Variants in PCDHA2 observed in about 807,000 individuals in gnomAD.
PCDHA2 encodes the protein protocadherin alpha 2, also known as protocadherin alpha-2.
A neutral mutation model predicts 66.0 loss-of-function variants in PCDHA2; 58 were observed. The ratio of observed to expected loss-of-function variants is 0.88; its 90% CI spans 0.71 to 1.09. PCDHA2 has a LOEUF of 1.09. Ranked by LOEUF, PCDHA2 falls within the 50% of genes least tolerant of loss-of-function variation. The pLI is 0.00. For missense variants in PCDHA2, 1,267 were observed against 1,242.3 expected, an observed-to-expected ratio of 1.02 and a Z score of -0.30; for synonymous variants, 634 against 554.0, an observed-to-expected ratio of 1.14 and a Z score of -2.03.
In PCDHA2 at chr5:140,842,865, G is replaced by C; in HGVS notation, c.2388+45513G>C. ...TACATTTCGGTGCACACGGAGAGCG[G>C]CAAGGTGTACGCGCTGCAGCCGCTG... is the stretch of plus-strand genomic sequence containing the variant. On this transcript the variant is annotated intron_variant, in intron 1 of 3. Transcript: ENST00000526136. 6.3e-6 allele frequency: 10 copies of C among 1,593,986 alleles called. 1 individual carries two copies. Among genetic ancestry groups the C allele is most frequent in the Middle Eastern group, 2.1e-4 (1 of 4,754 alleles).
At chr5:140,830,998 TA>T (rs1184514649) in intron 1 of PCDHA2, 3 of 152,294 alleles carry the variant, frequency 2.0e-5, no homozygotes, top group Admixed American at 6.5e-5. Flanking sequence ...TCATAGTTTT[TA>T]TCTGTGGTTC....
intron 1 of PCDHA2, chr5:140,821,694 T>C: frequency 7.1e-7 from 1 of 1,400,444 alleles, no homozygotes; most frequent in Non-Finnish European, 9.7e-7. Flanking sequence ...ATATAAAAAA[T>C]ATATAGTTAA....
Position 140,875,636 on chromosome 5 carries a change from A to T in PCDHA2, c.2388+78284A>T, listed in dbSNP as rs574545388. On this transcript the variant is annotated intron_variant, in intron 1 of 3. Coordinates refer to ENST00000526136, the MANE Select transcript of PCDHA2 (RefSeq NM_018905.3). The stretch of plus-strand genomic sequence containing the variant: ...CGCATCGCTCAGGACCTGGGGCTGG[A>T]GCTGGCGGAGCTGGTGCCGCGCCTG... 6 of 1,613,488 alleles carry T rather than the reference A, an allele frequency of 3.7e-6. No individual in the cohort carries two copies. The Admixed American group carries it at 8.3e-5, about 22-fold the overall frequency.
At position 140,807,960 on chromosome 5, in the gene PCDHA2, G is replaced by A. The variant is rs782007660; in HGVS notation, c.2388+10608G>A. 5 of 1,614,086 alleles carry A rather than the reference G, an allele frequency of 3.1e-6. No homozygotes were observed. In the South Asian group the frequency reaches 4.4e-5, roughly 14 times the overall value. ...AGATTACTAGAAAATGTTCCTAATGGAACATTGGTAATTAAACTTAACGCC... is the reference window on the plus strand; with the variant it reads ...AGATTACTAGAAAATGTTCCTAATGAAACATTGGTAATTAAACTTAACGCC... On this transcript the variant is annotated intron_variant, in intron 1 of 3. Coordinates refer to ENST00000526136, the MANE Select transcript of PCDHA2 (RefSeq NM_018905.3).
intron 1 of PCDHA2, chr5:140,841,306 G>A (rs2150313155): frequency 3.8e-6 from 6 of 1,579,894 alleles, no homozygotes; most frequent in South Asian, 3.5e-5. Context: ...TTTCTGATAG[G>A]AAACGACTAT....
At chr5:140,893,327 GT>G (rs2063928643) in intron 1 of PCDHA2, among the ~76,000 whole-genome samples, 1 of 152,164 alleles carries the variant, frequency 6.6e-6, no homozygotes, top group Non-Finnish European at 1.5e-5. Flanking sequence ...CTCCCATACT[GT>G]TTTCCTTAGT....
chr5:140,928,106 G>GGGA lies in PCDHA2; in HGVS notation c.2389-50841_2389-50839dup, dbSNP rs2084940814. The stretch of plus-strand genomic sequence containing the variant: ...CTGCTGATTGATGGGCCCCTGGACC[G>GGGA]GGAGCAGATCAGTGAATACCAAGTC... On this transcript the variant is annotated intron_variant, in intron 1 of 3. Coordinates refer to ENST00000526136, the MANE Select transcript of PCDHA2 (RefSeq NM_018905.3). The GGGA allele has an allele frequency of 1.9e-6, 3 of 1,614,032 alleles. No individual in the cohort carries two copies. In the South Asian group the frequency reaches 3.3e-5, roughly 18 times the overall value.
At chr5:140,941,331 T>G (rs1277354289) in intron 1 of PCDHA2, among the ~76,000 whole-genome samples, 1 of 148,120 alleles carries the variant, frequency 6.8e-6, no homozygotes. Context: ...TTTTTTTTTT[T>G]TTTCAGATGG....
chr5:140,869,757 A>G, intron 1 of PCDHA2: 3 of 1,613,264 alleles, frequency 1.9e-6, no homozygotes, highest in Non-Finnish European at 2.5e-6. Flanking sequence ...CAGACGGGGG[A>G]AAACCAGAGC....
intron 1 of PCDHA2, chr5:140,828,078 C>T (rs1554130999): frequency 5.7e-6 from 9 of 1,577,554 alleles, no homozygotes; most frequent in South Asian, 4.7e-5. Flanking sequence ...GAAATAAAAC[C>T]AGAGGTATTT....
intron 1 of PCDHA2, chr5:140,821,754 T>G (rs1461015460): frequency 1.3e-6 from 2 of 1,582,528 alleles, no homozygotes; most frequent in Non-Finnish European, 1.7e-6. Flanking sequence ...AATAGAAAGC[T>G]CATAATTGGA....
At chr5:140,978,800 TATC>T (rs1193658453) in intron 1 of PCDHA2, 146 bp from the exon 2 acceptor site, 56 of 1,480,550 alleles carry the variant, frequency 3.8e-5, no homozygotes, top group Admixed American at 1.1e-4. Context: ...TATATGTAGA[TATC>T]ATCATAGAGT....
chr5:140,830,077 G>C, intron 1 of PCDHA2: 5 of 1,613,664 alleles, frequency 3.1e-6, no homozygotes, highest in Non-Finnish European at 4.2e-6. Context: ...TGACAGCGAC[G>C]GCCACGGTTC....
chr5:140,828,685 A>T, intron 1 of PCDHA2: 2 of 1,614,252 alleles, frequency 1.2e-6, no homozygotes, highest in Non-Finnish European at 1.7e-6. Context: ...TATTAAAGAA[A>T]TCCTTGGACA....
chr5:140,823,591 C>T (rs1767789904), intron 1 of PCDHA2: 3 of 1,613,886 alleles, frequency 1.9e-6, no homozygotes, highest in Admixed American at 1.7e-5. Flanking sequence ...CAACGCTTGG[C>T]TTTCGTATGA....
intron 1 of PCDHA2, chr5:140,821,403 A>G (rs1766966942): frequency 5.9e-6 from 1 of 170,864 alleles, no homozygotes; most frequent in Non-Finnish European, 1.3e-5. Flanking sequence ...GACGCATTTT[A>G]AGATAGAGTT....
At chr5:140,931,539 T>C (rs1339633476) in intron 1 of PCDHA2, among the ~76,000 whole-genome samples, 1 of 152,056 alleles carries the variant, frequency 6.6e-6, no homozygotes, top group Non-Finnish European at 1.5e-5. Context: ...AGAGATATAC[T>C]GTTCATATGT....
At chr5:140,926,926 T>C in intron 1 of PCDHA2, 1 of 1,573,576 alleles carries the variant, frequency 6.4e-7, no homozygotes, top group South Asian at 1.2e-5. Flanking sequence ...TTTATGTTTG[T>C]GGGTTTCCTG....
At chr5:140,960,823 G>A (rs370898808) in intron 1 of PCDHA2, among the ~76,000 whole-genome samples, 2 of 152,012 alleles carry the variant, frequency 1.3e-5, no homozygotes, top group East Asian at 3.9e-4. Context: ...AGTGATGAAT[G>A]GAAACTTGGA....
Sources: gnomAD v4.1 joint callset for allele counts (sites outside exome capture counted in the v4.1 genomes callset) on GRCh38, gnomAD v4.1.1 for gene constraint, MANE v1.5 for transcripts, NCBI Gene and HGNC (gene_info 2026-07-23, HGNC 2026-07-21) for gene names.